Variants in RICTOR observed in about 807,000 individuals in gnomAD.
The protein encoded by RICTOR is RPTOR independent companion of MTOR complex 2, also known as rapamycin-insensitive companion of mTOR.
RICTOR carries 49 observed loss-of-function variants against 214.9 expected under a neutral mutation model. The ratio of observed to expected loss-of-function variants is 0.23; its 90% confidence interval spans 0.18 to 0.29. RICTOR has a LOEUF of 0.29. RICTOR is among the 10% of genes least tolerant of loss of function. The pLI is 1.00. For synonymous variants in RICTOR, 717 were observed against 711.3 expected (o/e 1.01, Z -0.13); for missense variants, 1,625 against 2,047.0 (o/e 0.79, Z 3.98).
intron 2 of RICTOR, among the ~76,000 whole-genome samples, chr5:39,058,096 A>C (rs1313260930): frequency 6.6e-6 from 1 of 152,022 alleles, no homozygotes; most frequent in Non-Finnish European, 1.5e-5. Flanking sequence ...ACCCGGTTTA[A>C]ATTTCTCGGA....
At chr5:39,022,019 C>T (rs1373158420) in intron 2 of RICTOR, among the ~76,000 whole-genome samples, 1 of 152,172 alleles carries the variant, frequency 6.6e-6, no homozygotes, top group Non-Finnish European at 1.5e-5. Context: ...AGCAACTATA[C>T]TTCAAGAACC....
chr5:39,070,837 A>G (rs1220996985), intron 2 of RICTOR, among the ~76,000 whole-genome samples: 1 of 152,194 alleles, frequency 6.6e-6, no homozygotes, highest in African/African-American at 2.4e-5. Flanking sequence ...GAGAGGAAGC[A>G]TTTGGGCTTC....
chr5:39,072,031 T>C (rs1759362412), intron 2 of RICTOR, among the ~76,000 whole-genome samples: 1 of 152,196 alleles, frequency 6.6e-6, no homozygotes, highest in Admixed American at 6.5e-5. Flanking sequence ...ACAGCAACTT[T>C]TTAAAACAAT....
chr5:39,074,289 G>A, intron 1 of RICTOR, 40 bp downstream of exon 1: 1 of 1,563,366 alleles, frequency 6.4e-7, no homozygotes, highest in East Asian at 2.4e-5. Flanking sequence ...AGGGGTGGCG[G>A]GCGCCGGGCG....
In RICTOR at chr5:38,938,459, T is replaced by C. The variant is rs561516271; in HGVS notation, c.*3845A>G. On this transcript the variant is annotated 3_prime_UTR_variant, in exon 38 of 38. Coordinates refer to ENST00000357387, the MANE Select transcript of RICTOR (RefSeq NM_152756.5). ...GTGCTAAATCAACCAAGTAGCAAAA[T>C]TGAAAGGTATGCTTTTTTTGGCATA... 1.5e-4 allele frequency: 34 copies of C among 231,990 alleles called. No homozygotes were observed. Among genetic ancestry groups the C allele is most frequent in the East Asian group, 1.4e-3 (23 of 16,264 alleles). 14.4% of individuals were successfully genotyped at this position (231,990 alleles called of 1,614,324 possible).
intron 3 of RICTOR, among the ~76,000 whole-genome samples, chr5:39,014,639 G>A (rs1048784516): frequency 6.6e-6 from 1 of 151,952 alleles, no homozygotes; most frequent in East Asian, 1.9e-4. Context: ...TAAAAAGCAG[G>A]TCTTTAGATT....
chr5:39,072,799 G>C (rs962744080), intron 2 of RICTOR, among the ~76,000 whole-genome samples: 5 of 152,106 alleles, frequency 3.3e-5, no homozygotes, highest in Non-Finnish European at 7.4e-5. Flanking sequence ...CCATTTTCAG[G>C]ATTTAAGCTC....
In RICTOR at chr5:38,950,722, T is replaced by A; in HGVS notation, c.3128-2A>T. The A allele has an allele frequency of 6.4e-7, 1 of 1,554,324 alleles. No homozygotes were observed. The highest frequency in any genetic ancestry group is 8.7e-7 in the Non-Finnish European group (1 of 1,152,196). ...GGTCATCCTCCAATATGAACATACC[T>A]ATGATTGAAGGATCAATTAATAAAA... On this transcript the variant is annotated splice_acceptor_variant, in intron 30 of 37. Transcript: ENST00000357387. LOFTEE classifies it high-confidence loss of function.
chr5:39,010,843 C>A (rs1754451158), intron 3 of RICTOR, among the ~76,000 whole-genome samples: 1 of 152,076 alleles, frequency 6.6e-6, no homozygotes, highest in African/African-American at 2.4e-5. Flanking sequence ...TATATATTCA[C>A]AAAGATACAA....
At chr5:39,017,728 G>T (rs1169734824) in intron 3 of RICTOR, among the ~76,000 whole-genome samples, 1 of 151,980 alleles carries the variant, frequency 6.6e-6, no homozygotes, top group Non-Finnish European at 1.5e-5. Context: ...GTATTACATA[G>T]TGACTATATT....
Position 38,946,497 on chromosome 5 carries a change from C to G in RICTOR, c.4370G>C (p.Gly1457Ala). The G allele has an allele frequency of 6.2e-7, 1 of 1,611,662 alleles. No homozygotes were observed. Among genetic ancestry groups the G allele is most frequent in the Admixed American group, 1.7e-5 (1 of 59,982 alleles). ...TKNIPPHDDR[G>A]ARAFAHDAGG... ...TGCATCATGGGCAAATGCTCTTGCA[C>G]CTCGATCATCATGTGGTGGTATGTT... Residue 1457 changes from glycine to alanine, a missense_variant, in exon 33 of 38, where the codon GGT becomes GCT. Coordinates refer to ENST00000357387, the MANE Select transcript of RICTOR (RefSeq NM_152756.5).
At position 39,043,653 on chromosome 5, in the gene RICTOR, T is replaced by C. The variant is rs7713265; in HGVS notation, c.98-22517A>G. Among the ~76,000 whole-genome samples, 1,040 of 152,268 alleles carry C rather than the reference T, an allele frequency of 6.8e-3. 13 individuals are homozygous for C. Among genetic ancestry groups the C allele is most frequent in the African/African-American group, 0.024 (980 of 41,550 alleles). On this transcript the variant is annotated intron_variant, in intron 2 of 37. Transcript: ENST00000357387. ...AAGAAATGATAAACATATGAGGTGA[T>C]TGCTATGGTCTGAATGTCCCCTCCA...
At chr5:39,066,529 G>T (rs1172139302) in intron 2 of RICTOR, among the ~76,000 whole-genome samples, 1 of 152,222 alleles carries the variant, frequency 6.6e-6, no homozygotes, top group East Asian at 1.9e-4. Context: ...TCTATAGCCT[G>T]CTTGAATTCC....
chr5:39,065,213 G>A (rs376799376), intron 2 of RICTOR, among the ~76,000 whole-genome samples: 2 of 152,156 alleles, frequency 1.3e-5, no homozygotes, highest in East Asian at 1.9e-4. Context: ...TAGCAAAGAC[G>A]AAGCGTGTGC....
chr5:39,004,616 C>T (rs923175139), intron 3 of RICTOR, among the ~76,000 whole-genome samples: 11 of 151,906 alleles, frequency 7.2e-5, no homozygotes, highest in South Asian at 2.1e-4. Flanking sequence ...CCTGCCACCA[C>T]GCCCAGCTAA....
rs948325082 is a variant in RICTOR at position 38,941,238 on chromosome 5, T to C, written c.*1066A>G. 1.7e-5 allele frequency: 4 copies of C among 232,750 alleles called. No individual in the cohort carries two copies. In the East Asian group the frequency reaches 2.4e-4, roughly 14 times the overall value. The allele number at this position is 232,750 out of a possible 1,614,324, so 14.4% of individuals were successfully genotyped here. ...TTTAGTTTGTGCAAAACAAAAACACTGATATAAAAATTAAGTTACTGCTGC... is the reference window on the plus strand; with the variant it reads ...TTTAGTTTGTGCAAAACAAAAACACCGATATAAAAATTAAGTTACTGCTGC... On this transcript the variant is annotated 3_prime_UTR_variant, in exon 38 of 38. Coordinates refer to ENST00000357387, the MANE Select transcript of RICTOR (RefSeq NM_152756.5).
intron 17 of RICTOR, 121 bp downstream of exon 17, chr5:38,962,755 C>T: frequency 2.2e-6 from 2 of 892,624 alleles, no homozygotes; most frequent in Admixed American, 2.3e-5. Flanking sequence ...AACTCAGAAG[C>T]CATCTGAAAA....
chr5:38,948,019 A>G (rs1320407397), intron 31 of RICTOR, among the ~76,000 whole-genome samples: 1 of 150,320 alleles, frequency 6.7e-6, no homozygotes, highest in African/African-American at 2.5e-5. Context: ...TCCACAATGT[A>G]CTGATATTTC....
chr5:38,971,747 G>GT, intron 11 of RICTOR, 130 bp downstream of exon 11: 1 of 591,114 alleles, frequency 1.7e-6, no homozygotes, highest in Non-Finnish European at 3.0e-6. Context: ...ATTTACTTCT[G>GT]TATTTTAAAA....
Sources: allele counts gnomAD v4.1 joint callset (sites outside exome capture counted in the v4.1 genomes callset), GRCh38; gene constraint gnomAD v4.1.1; transcripts MANE v1.5; gene names NCBI Gene and HGNC (gene_info 2026-07-23, HGNC 2026-07-21).